The following CERT1 variants were observed in gnomAD, a reference collection of about 807,000 sequenced individuals.
CERT1 encodes the protein ceramide transfer protein.
A neutral mutation model predicts 87.9 loss-of-function variants in CERT1; 31 were observed. The ratio of observed to expected loss-of-function variants is 0.35; its 90% CI spans 0.27 to 0.48. CERT1 has a LOEUF of 0.48. CERT1 is among the 20% of genes least tolerant of loss of function. CERT1 has a pLI of 0.99. For missense variants in CERT1, 487 were observed against 758.0 expected, an observed-to-expected ratio of 0.64 and a Z score of 4.20; for synonymous variants, 289 against 250.9, an observed-to-expected ratio of 1.15 and a Z score of -1.44.
chr5:75,467,301 T>C (rs1007002465), intron 2 of CERT1, among the ~76,000 whole-genome samples: 2 of 152,046 alleles, frequency 1.3e-5, no homozygotes, highest in African/African-American at 4.8e-5. Flanking sequence ...TTCCAGCGGT[T>C]AGGGATTAGA....
chr5:75,472,244 T>C (rs140801707), intron 2 of CERT1, among the ~76,000 whole-genome samples: 14 of 152,342 alleles, frequency 9.2e-5, no homozygotes, highest in Middle Eastern at 6.8e-3. Context: ...TGAAATTAAA[T>C]GCTTACTTCT....
At chr5:75,500,278 G>C (rs757621197) in intron 2 of CERT1, among the ~76,000 whole-genome samples, 6 of 152,084 alleles carry the variant, frequency 3.9e-5, no homozygotes, top group South Asian at 4.1e-4. Flanking sequence ...AAGTCACCCA[G>C]TTTGTGGTAC....
Position 75,444,923 on chromosome 5 carries a change from G to A in CERT1, c.348+14142C>T, listed in dbSNP as rs192498592. On this transcript the variant is annotated intron_variant, in intron 3 of 16. Coordinates refer to ENST00000643780, the MANE Select transcript of CERT1 (RefSeq NM_001379029.1). The stretch of plus-strand genomic sequence containing the variant: ...TATTTCTATACCTATTTTTTTTGTG[G>A]TTATCATCGGGATGATATTTAACAT... Among the ~76,000 whole-genome samples the A allele has an allele frequency of 2.4e-3, 360 of 151,528 alleles. 3 individuals are homozygous for A. The highest frequency in any genetic ancestry group is 4.2e-3 in the Non-Finnish European group (287 of 67,838).
At chr5:75,489,972 T>C (rs1473134634) in intron 2 of CERT1, among the ~76,000 whole-genome samples, 1 of 152,108 alleles carries the variant, frequency 6.6e-6, no homozygotes, top group Non-Finnish European at 1.5e-5. Context: ...TTAGACTGGA[T>C]AAAGAAAATG....
chr5:75,374,332 T>C (rs1358163961), downstream of CERT1: 4 of 501,082 alleles, frequency 8.0e-6, no homozygotes, highest in Non-Finnish European at 1.4e-5. Flanking sequence ...AAATTTATCA[T>C]TATGAATGCA....
At position 75,379,213 on chromosome 5, in the gene CERT1, C is replaced by G. The variant is rs1022903585; in HGVS notation, c.*133G>C. On this transcript the variant is annotated 3_prime_UTR_variant, in exon 17 of 17. Coordinates refer to ENST00000643780, the MANE Select transcript of CERT1 (RefSeq NM_001379029.1). ...CAACAACGACAACAACAAAAACCAA[C>G]GAAACAATACTCTATAGGGGAACAT... 1.2e-5 allele frequency: 10 copies of G among 821,982 alleles called. No individual in the cohort carries two copies. The highest frequency in any genetic ancestry group is 1.9e-5 in the Non-Finnish European group (10 of 525,988). 50.9% of individuals were successfully genotyped at this position (821,982 alleles called of 1,614,324 possible). A position where few individuals can be genotyped will look rare whatever the true frequency, so the allele number is the denominator to read the frequency against.
intron 2 of CERT1, among the ~76,000 whole-genome samples, chr5:75,490,682 T>C (rs539372837): frequency 1.3e-5 from 2 of 152,198 alleles, no homozygotes; most frequent in South Asian, 4.1e-4. Context: ...ATATCTTTAG[T>C]AGAGATGGGA....
intron 3 of CERT1, among the ~76,000 whole-genome samples, chr5:75,451,218 C>T (rs930970194): frequency 6.6e-6 from 1 of 152,148 alleles, no homozygotes; most frequent in Non-Finnish European, 1.5e-5. Context: ...TTACCGCATG[C>T]AATTTGGCAG....
intron 14 of CERT1, 93 bp from the exon 15 acceptor site, chr5:75,382,170 ATC>A (rs1761615823): frequency 4.2e-6 from 5 of 1,199,510 alleles, no homozygotes; most frequent in Non-Finnish European, 5.8e-6. Flanking sequence ...TGAAGGTAAA[ATC>A]TCTCAAATTT....
At chr5:75,470,682 T>C (rs1765669196) in intron 2 of CERT1, among the ~76,000 whole-genome samples, 1 of 152,214 alleles carries the variant, frequency 6.6e-6, no homozygotes, top group Non-Finnish European at 1.5e-5. Flanking sequence ...GTTGAGCTTT[T>C]TCTCCAAGAT....
chr5:75,396,365 A>G (rs1053652794), intron 11 of CERT1, among the ~76,000 whole-genome samples: 8 of 152,262 alleles, frequency 5.3e-5, no homozygotes, highest in Non-Finnish European at 7.3e-5. Flanking sequence ...TGAAGATATT[A>G]TAAAACAAAG....
At chr5:75,486,707 A>G (rs1232966201) in intron 2 of CERT1, among the ~76,000 whole-genome samples, 1 of 152,078 alleles carries the variant, frequency 6.6e-6, no homozygotes, top group Non-Finnish European at 1.5e-5. Flanking sequence ...AAACCTGAAA[A>G]AGAAATCAAG....
At chr5:75,477,146 C>T (rs1765990686) in intron 2 of CERT1, among the ~76,000 whole-genome samples, 1 of 152,126 alleles carries the variant, frequency 6.6e-6, no homozygotes, top group Admixed American at 6.6e-5. Flanking sequence ...ATCTTATTTT[C>T]CCCCCTTTAA....
chr5:75,386,157 TCTGCTAAAA>T, intron 12 of CERT1, 123 bp from the exon 13 acceptor site: 1 of 722,070 alleles, frequency 1.4e-6, no homozygotes, highest in African/African-American at 1.8e-5. Flanking sequence ...TAGAACATAT[TCTGCTAAAA>T]GAAAATTAAA....
rs1161394627 is a variant in CERT1 at position 75,378,543 on chromosome 5, T to C, written c.*803A>G. Reference sequence around the variant, plus strand: ...TAACATGGGACTAGTTAATAAATTCTGCAACATGCATGTAACAGATGTTAA... The same window carrying C: ...TAACATGGGACTAGTTAATAAATTCCGCAACATGCATGTAACAGATGTTAA... On this transcript the variant is annotated 3_prime_UTR_variant, in exon 17 of 17. Coordinates refer to ENST00000643780, the MANE Select transcript of CERT1 (RefSeq NM_001379029.1). 1 of 152,210 alleles carries C rather than the reference T, an allele frequency of 6.6e-6. No individual in the cohort carries two copies. Among genetic ancestry groups the C allele is most frequent in the Non-Finnish European group, 1.5e-5 (1 of 68,046 alleles). 9.4% of individuals were successfully genotyped at this position (152,210 alleles called of 1,614,324 possible).
intron 2 of CERT1, among the ~76,000 whole-genome samples, chr5:75,461,121 T>G (rs745842005): frequency 5.9e-5 from 9 of 152,176 alleles, no homozygotes; most frequent in Non-Finnish European, 1.0e-4. Context: ...ATGAAACATA[T>G]GCTATGTAAA....
intron 11 of CERT1, among the ~76,000 whole-genome samples, chr5:75,395,289 T>C (rs1441439054): frequency 6.6e-6 from 1 of 152,218 alleles, no homozygotes; most frequent in Non-Finnish European, 1.5e-5. Flanking sequence ...TTCTATTCTC[T>C]GTACACCTGA....
chr5:75,492,957 T>C (rs945307778), intron 2 of CERT1, among the ~76,000 whole-genome samples: 12 of 152,188 alleles, frequency 7.9e-5, no homozygotes, highest in African/African-American at 2.7e-4. Context: ...ATCCATTAGG[T>C]CTGGGGCAGG....
rs1489158298 is a variant in CERT1, at chr5:75,385,890, A to G, written c.1417+12T>C. The G allele has an allele frequency of 1.4e-6, 2 of 1,468,602 alleles. No individual in the cohort carries two copies. 91.0% of individuals were successfully genotyped at this position (1,468,602 alleles called of 1,614,324 possible). A position where few individuals can be genotyped will look rare whatever the true frequency, so the allele number is the denominator to read the frequency against. ...AATAATAGATTAAAATATATTAATA[A>G]TGACAGCTTACTTTCCCAGTCATTG... On this transcript the variant is annotated intron_variant, in intron 13 of 16. Coordinates refer to ENST00000643780, the MANE Select transcript of CERT1 (RefSeq NM_001379029.1).
Sources: gnomAD v4.1 joint callset for allele counts (sites outside exome capture counted in the v4.1 genomes callset) on GRCh38, gnomAD v4.1.1 for gene constraint, MANE v1.5 for transcripts, NCBI Gene and HGNC (gene_info 2026-07-23, HGNC 2026-07-21) for gene names.